The following POLN variants were observed in gnomAD, a reference collection of about 807,000 sequenced individuals.
POLN encodes the protein DNA polymerase N.
A neutral mutation model predicts 113.5 loss-of-function variants in POLN; 108 were observed. The ratio of observed to expected loss-of-function variants is 0.95; its 90% CI spans 0.81 to 1.12. The LOEUF (loss-of-function observed/expected upper bound fraction) is 1.12. POLN is among the 50% of genes most tolerant of loss of function. The probability of loss-of-function intolerance (pLI) is 0.00; values close to 1 mark genes in which losing one functional copy is unlikely to be tolerated. For missense variants in POLN, 1,097 were observed against 1,077.1 expected (o/e 1.02, Z -0.26); for synonymous variants, 386 against 391.5 (o/e 0.99, Z 0.17).
chr4:2,186,438 C>T (rs936616342), intron 7 of POLN, among the ~76,000 whole-genome samples: 49 of 152,246 alleles, frequency 3.2e-4, no homozygotes, highest in African/African-American at 1.1e-3. Flanking sequence ...CATGAACTCC[C>T]GGCTAGCCTT....
intron 5 of POLN, among the ~76,000 whole-genome samples, chr4:2,201,303 A>AAAAAAC (rs1733708926): frequency 7.0e-6 from 1 of 142,664 alleles, no homozygotes; most frequent in African/African-American, 2.7e-5. Context: ...AAAAAAAAAA[A>AAAAAAC]CGAGGGGAGA....
chr4:2,156,960 G>T, intron 15 of POLN, 107 bp from the exon 16 acceptor site: 1 of 901,180 alleles, frequency 1.1e-6, no homozygotes, highest in Non-Finnish European at 1.8e-6. Context: ...CTCCTCCAGA[G>T]GCCAACAAGC....
intron 20 of POLN, among the ~76,000 whole-genome samples, chr4:2,087,428 G>A (rs1340144669): frequency 6.6e-6 from 1 of 152,196 alleles, no homozygotes. Flanking sequence ...AGATACACAA[G>A]GCTGGCCAGA....
At chr4:2,134,906 T>C (rs1474122270) in intron 16 of POLN, among the ~76,000 whole-genome samples, 4 of 152,192 alleles carry the variant, frequency 2.6e-5, no homozygotes, top group Non-Finnish European at 4.4e-5. Flanking sequence ...GTAATAAAAA[T>C]TGAATACACA....
In POLN at chr4:2,086,045, C is replaced by T. The variant is rs1270460867; in HGVS notation, c.2066-301G>A. Among the ~76,000 whole-genome samples the T allele has an allele frequency of 2.6e-5, 4 of 152,074 alleles. No homozygotes were observed. The East Asian group carries it at 5.8e-4, about 22-fold the overall frequency. ...AGTGGGAGATCCAATTCCAGAACTG[C>T]GGAGGTTAGAGTGGGGCACAGAGGA... On this transcript the variant is annotated intron_variant, in intron 20 of 25. Coordinates refer to ENST00000511885, the MANE Select transcript of POLN (RefSeq NM_181808.4).
intron 4 of POLN, among the ~76,000 whole-genome samples, chr4:2,209,090 G>C (rs768562902): frequency 2.0e-4 from 30 of 152,160 alleles, no homozygotes; most frequent in Non-Finnish European, 3.4e-4. Context: ...GTGCATAAGA[G>C]AGAAGATTAA....
intron 7 of POLN, among the ~76,000 whole-genome samples, chr4:2,186,699 A>C (rs887678001): frequency 3.3e-5 from 5 of 152,248 alleles, no homozygotes; most frequent in Non-Finnish European, 7.3e-5. Flanking sequence ...CCTTCAATGC[A>C]AAGAAATAGA....
chr4:2,169,592 C>G (rs1227994942), intron 13 of POLN, among the ~76,000 whole-genome samples: 1 of 152,192 alleles, frequency 6.6e-6, no homozygotes, highest in Non-Finnish European at 1.5e-5. Flanking sequence ...CGCACACACA[C>G]TGAAGCCTTA....
At chr4:2,085,467 T>G in intron 21 of POLN, 146 bp downstream of exon 21, 1 of 1,036,810 alleles carries the variant, frequency 9.6e-7, no homozygotes, top group Non-Finnish European at 1.4e-6. Context: ...CAGCCTTATT[T>G]GTCCAATAAG....
chr4:2,199,734 A>G lies in POLN; in HGVS notation c.715-1017T>C, dbSNP rs536063245. ...TGGGACTACAGGCACACACTGCCAC[A>G]CCCAGCTAATTTTTTTTGTATTTTA... is the stretch of plus-strand genomic sequence containing the variant. On this transcript the variant is annotated intron_variant, in intron 5 of 25. Coordinates refer to ENST00000511885, the MANE Select transcript of POLN (RefSeq NM_181808.4). 2.4e-3 allele frequency among the ~76,000 whole-genome samples: 365 copies of G among 151,692 alleles called. 1 individual carries two copies. The highest frequency in any genetic ancestry group is 8.5e-3 in the African/African-American group (348 of 41,176).
At chr4:2,152,437 G>A (rs1271271303) in intron 16 of POLN, among the ~76,000 whole-genome samples, 1 of 149,736 alleles carries the variant, frequency 6.7e-6, no homozygotes, top group Non-Finnish European at 1.5e-5. Context: ...AAACTCCTGG[G>A]CTCAAGTGAT....
intron 13 of POLN, among the ~76,000 whole-genome samples, chr4:2,168,009 A>G (rs1208502629): frequency 1.3e-5 from 2 of 152,230 alleles, no homozygotes; most frequent in African/African-American, 4.8e-5. Flanking sequence ...AAAGAATTAT[A>G]ACAGAAATGA....
At chr4:2,214,239 A>G (rs914401576) in intron 3 of POLN, among the ~76,000 whole-genome samples, 8 of 150,062 alleles carry the variant, frequency 5.3e-5, no homozygotes, top group Non-Finnish European at 1.0e-4. Context: ...CTGTCCTGGG[A>G]AAAAAAAAAG....
intron 2 of POLN, among the ~76,000 whole-genome samples, chr4:2,235,584 T>C (rs1372574353): frequency 6.6e-6 from 1 of 152,222 alleles, no homozygotes; most frequent in Non-Finnish European, 1.5e-5. Context: ...GCTTTACGTG[T>C]ATCAACATGA....
At position 2,176,139 on chromosome 4, in the gene POLN, G is replaced by C. The variant is rs956044665; in HGVS notation, c.1248+127C>G. The C allele has an allele frequency of 6.5e-6, 5 of 771,346 alleles. No individual in the cohort carries two copies. In the African/African-American group the frequency reaches 8.9e-5, roughly 14 times the overall value. The allele number at this position is 771,346 out of a possible 1,614,324, so 47.8% of individuals were successfully genotyped here. On this transcript the variant is annotated intron_variant, in intron 9 of 25. Coordinates refer to ENST00000511885, the MANE Select transcript of POLN (RefSeq NM_181808.4). ...CAACCCTTTTCTGAGTAATGCACAG[G>C]TTAATTTGTTCTTAGAACTCAACGT...
intron 6 of POLN, among the ~76,000 whole-genome samples, chr4:2,196,125 G>A (rs953033117): frequency 6.6e-6 from 1 of 152,196 alleles, no homozygotes; most frequent in Middle Eastern, 3.4e-3. Context: ...GAAAAAAATC[G>A]AATATTTTTT....
At chr4:2,079,507 T>A in intron 23 of POLN, 1 of 985,618 alleles carries the variant, frequency 1.0e-6, no homozygotes, top group South Asian at 4.7e-5. Flanking sequence ...CATGTGCTTG[T>A]GTGTGCGTGT....
At position 2,089,995 on chromosome 4, in the gene POLN, CT is replaced by C. The variant is rs888422718; in HGVS notation, c.2066-4252del. 4.4e-6 allele frequency: 4 copies of C among 919,062 alleles called. No individual in the cohort carries two copies. The Admixed American group carries it at 9.0e-5, about 21-fold the overall frequency. The allele number at this position is 919,062 out of a possible 1,614,324, so 56.9% of individuals were successfully genotyped here. On this transcript the variant is annotated intron_variant, in intron 20 of 25. Coordinates refer to ENST00000511885, the MANE Select transcript of POLN (RefSeq NM_181808.4). ...TTCTGGTTTCTTTTCACTTTTAAGT[CT>C]GTCAAGTTTCTTTTTCCTATGGAGT...
intron 16 of POLN, among the ~76,000 whole-genome samples, chr4:2,138,893 C>CA (rs768293044): frequency 1.4e-3 from 195 of 142,560 alleles, no homozygotes; most frequent in African/African-American, 4.4e-3. Context: ...GACTCTGTCT[C>CA]AAAAAAAAAG....
Sources: allele counts gnomAD v4.1 joint callset (sites outside exome capture counted in the v4.1 genomes callset), GRCh38; gene constraint gnomAD v4.1.1; transcripts MANE v1.5; gene names NCBI Gene and HGNC (gene_info 2026-07-23, HGNC 2026-07-21).